GALNTL6: variants seen among roughly 807,000 people sequenced by gnomAD.
GALNTL6 encodes the protein polypeptide N-acetylgalactosaminyltransferase-like 6.
In GALNTL6, 46 loss-of-function variants were observed where a neutral mutation model predicts 73.7. That is an observed-to-expected ratio of 0.62 (90% CI 0.49 to 0.80). The LOEUF (loss-of-function observed/expected upper bound fraction) is 0.80. GALNTL6 is among the 30% of genes least tolerant of loss of function. The pLI, the probability that GALNTL6 is intolerant of heterozygous loss-of-function variation, is 0.00. For synonymous variants in GALNTL6, 259 were observed against 263.7 expected, an observed-to-expected ratio of 0.98 and a Z score of 0.17; for missense variants, 604 against 755.0, an observed-to-expected ratio of 0.80 and a Z score of 2.34.
intron 2 of GALNTL6, among the ~76,000 whole-genome samples, chr4:172,197,972 A>G (rs191625732): frequency 6.6e-6 from 1 of 152,120 alleles, no homozygotes; most frequent in Admixed American, 6.5e-5. Context: ...TTAGCTAGGC[A>G]TGGTTGTGGG....
At position 172,606,621 on chromosome 4, in the gene GALNTL6, ATATATATACTATATATATAC is replaced by A. The variant is rs1369095518; in HGVS notation, c.554-202731_554-202712del. Among the ~76,000 whole-genome samples the A allele has an allele frequency of 4.0e-3, 198 of 49,020 alleles. 1 individual carries two copies. Among genetic ancestry groups the A allele is most frequent in the Non-Finnish European group, 7.4e-3 (152 of 20,516 alleles). 32.2% of individuals were successfully genotyped at this position (49,020 alleles called of 152,430 possible). On this transcript the variant is annotated intron_variant, in intron 5 of 12. Transcript: ENST00000506823. ...ATATATACATATATACATATATAGTATATATATACTATATATATACTATATATATAGTATATATATACTAT... is the reference window on the plus strand; with the variant it reads ...ATATATACATATATACATATATAGTATATATATATAGTATATATATACTAT...
At chr4:172,997,745 T>C (rs1751860912) in intron 10 of GALNTL6, among the ~76,000 whole-genome samples, 1 of 152,190 alleles carries the variant, frequency 6.6e-6, no homozygotes, top group African/African-American at 2.4e-5. Flanking sequence ...GGCATGACTA[T>C]ACTTCATAAA....
intron 2 of GALNTL6, among the ~76,000 whole-genome samples, chr4:172,035,230 A>G (rs977986631): frequency 6.6e-6 from 1 of 152,134 alleles, no homozygotes; most frequent in Admixed American, 6.6e-5. Flanking sequence ...GAAAACATGT[A>G]AAGTTTTCAA....
intron 5 of GALNTL6, among the ~76,000 whole-genome samples, chr4:172,704,851 T>C (rs979970735): frequency 2.0e-5 from 3 of 152,072 alleles, no homozygotes; most frequent in Non-Finnish European, 4.4e-5. Context: ...ATTTGCTTTA[T>C]GTATCTGGGT....
At chr4:172,045,591 AG>A (rs980042647) in intron 2 of GALNTL6, among the ~76,000 whole-genome samples, 1 of 151,952 alleles carries the variant, frequency 6.6e-6, no homozygotes, top group African/African-American at 2.4e-5. Flanking sequence ...TTATAGAAAA[AG>A]GGCTATTATG....
chr4:172,897,449 C>T (rs1463125606), intron 8 of GALNTL6, among the ~76,000 whole-genome samples: 3 of 152,214 alleles, frequency 2.0e-5, no homozygotes, highest in South Asian at 2.1e-4. Context: ...TGGCAATTTT[C>T]GGATTCACTG....
intron 5 of GALNTL6, among the ~76,000 whole-genome samples, chr4:172,637,612 A>G (rs1308366059): frequency 6.6e-6 from 1 of 152,230 alleles, no homozygotes; most frequent in Non-Finnish European, 1.5e-5. Context: ...CTGTCAAATT[A>G]CAAACAACAC....
At chr4:172,655,892 GA>G (rs1730977546) in intron 5 of GALNTL6, among the ~76,000 whole-genome samples, 1 of 152,092 alleles carries the variant, frequency 6.6e-6, no homozygotes, top group East Asian at 1.9e-4. Context: ...TTAAAGAAGA[GA>G]AAAAGAAGGA....
At chr4:172,733,913 A>G (rs1736301335) in intron 5 of GALNTL6, among the ~76,000 whole-genome samples, 2 of 152,238 alleles carry the variant, frequency 1.3e-5, no homozygotes, top group Non-Finnish European at 2.9e-5. Context: ...AAACTGGGTA[A>G]CAGGCAGAGG....
At chr4:172,883,772 T>A (rs1439553469) in intron 8 of GALNTL6, among the ~76,000 whole-genome samples, 1 of 152,102 alleles carries the variant, frequency 6.6e-6, no homozygotes, top group Non-Finnish European at 1.5e-5. Flanking sequence ...AACTTCTTTT[T>A]TTGCCGCCTC....
At chr4:172,445,129 T>C (rs965827365) in intron 5 of GALNTL6, among the ~76,000 whole-genome samples, 3 of 152,174 alleles carry the variant, frequency 2.0e-5, no homozygotes, top group Admixed American at 1.3e-4. Flanking sequence ...TTTGTCCCAC[T>C]AGAGACATGA....
chr4:172,882,290 G>A (rs918334076), intron 7 of GALNTL6, among the ~76,000 whole-genome samples: 9 of 152,082 alleles, frequency 5.9e-5, no homozygotes, highest in East Asian at 1.9e-4. Context: ...CTAACCTGCC[G>A]ATCTGTAGTT....
chr4:172,789,098 G>A (rs946369148), intron 5 of GALNTL6, among the ~76,000 whole-genome samples: 1 of 151,970 alleles, frequency 6.6e-6, no homozygotes, highest in Non-Finnish European at 1.5e-5. Context: ...ATTCAATTCC[G>A]AACCTGTCTA....
chr4:171,833,836 A>G (rs573894743), intron 2 of GALNTL6, among the ~76,000 whole-genome samples: 39 of 151,928 alleles, frequency 2.6e-4, no homozygotes, highest in African/African-American at 9.4e-4. Flanking sequence ...TATTTTTCCT[A>G]TCAAATAGCT....
At chr4:172,085,983 A>G (rs1732022212) in intron 2 of GALNTL6, among the ~76,000 whole-genome samples, 2 of 152,120 alleles carry the variant, frequency 1.3e-5, no homozygotes, top group African/African-American at 4.8e-5. Context: ...GGTACTTTGC[A>G]AACACTGTAG....
rs538641858 is a variant in GALNTL6 at position 172,734,080 on chromosome 4, G to A, written c.554-75281G>A. Among the ~76,000 whole-genome samples the A allele has an allele frequency of 2.6e-5, 4 of 152,294 alleles. No individual in the cohort carries two copies. The South Asian group carries it at 8.3e-4, about 32-fold the overall frequency. On this transcript the variant is annotated intron_variant, in intron 5 of 12. Transcript: ENST00000506823. ...GAAGATGAGGAACTTGTTGGGAACT[G>A]GAGTAAAGGTCACTCTTGCTATGCA...
intron 2 of GALNTL6, among the ~76,000 whole-genome samples, chr4:171,845,168 T>G (rs2110850432): frequency 6.6e-6 from 1 of 152,324 alleles, no homozygotes; most frequent in Non-Finnish European, 1.5e-5. Flanking sequence ...TGTTCAAAGC[T>G]GATACTTCTT....
At chr4:171,838,067 C>T (rs1735145997) in intron 2 of GALNTL6, among the ~76,000 whole-genome samples, 1 of 151,566 alleles carries the variant, frequency 6.6e-6, no homozygotes, top group Non-Finnish European at 1.5e-5. Flanking sequence ...TCTTTATTTG[C>T]TTTATTGTGG....
chr4:172,045,289 A>G (rs1157523360), intron 2 of GALNTL6, among the ~76,000 whole-genome samples: 13 of 152,036 alleles, frequency 8.6e-5, no homozygotes, highest in Non-Finnish European at 4.4e-5. Context: ...GGTGGGTCTG[A>G]ATTCTATTCT....
Sources: allele counts gnomAD v4.1 joint callset (sites outside exome capture counted in the v4.1 genomes callset), GRCh38; gene constraint gnomAD v4.1.1; transcripts MANE v1.5; gene names NCBI Gene and HGNC (gene_info 2026-07-23, HGNC 2026-07-21).